Variants in R3HCC1L observed in about 807,000 individuals in gnomAD.
R3HCC1L encodes coiled-coil domain-containing protein R3HCC1L.
Under a neutral mutation model 59.9 loss-of-function variants are expected in R3HCC1L, and 51 were observed. The observed-to-expected ratio is 0.85, with a 90% CI of 0.68 to 1.07. R3HCC1L has a LOEUF of 1.07. Ranked by LOEUF, R3HCC1L falls within the 50% of genes least tolerant of loss-of-function variation. The pLI is 0.00. For synonymous variants in R3HCC1L, 322 were observed against 315.2 expected (o/e 1.02, Z -0.23); for missense variants, 965 against 933.0 (o/e 1.03, Z -0.45).
At chr10:98,168,545 T>C (rs896411633) in intron 4 of R3HCC1L, among the ~76,000 whole-genome samples, 6 of 152,176 alleles carry the variant, frequency 3.9e-5, no homozygotes, top group African/African-American at 1.4e-4. Flanking sequence ...GTATCTTGTA[T>C]CTTTTGTTGT....
chr10:98,235,595 C>T (rs1276515250), intron 8 of R3HCC1L, 75 bp downstream of exon 8: 21 of 1,134,222 alleles, frequency 1.9e-5, no homozygotes, highest in Non-Finnish European at 2.4e-5. Flanking sequence ...TTATAGCATC[C>T]AGACATCTAA....
chr10:98,211,458 A>T, intron 5 of R3HCC1L: 1 of 1,315,660 alleles, frequency 7.6e-7, no homozygotes, highest in Non-Finnish European at 1.0e-6. Context: ...AATCAGGTTA[A>T]GAAATAATAA....
intron 5 of R3HCC1L, among the ~76,000 whole-genome samples, chr10:98,222,837 T>TA (rs1203483439): frequency 2.0e-5 from 3 of 151,852 alleles, no homozygotes; most frequent in African/African-American, 4.8e-5. Context: ...ATAGATGCAA[T>TA]AAAAAATGAT....
intron 4 of R3HCC1L, among the ~76,000 whole-genome samples, chr10:98,203,008 G>A (rs1299837630): frequency 6.6e-6 from 1 of 152,132 alleles, no homozygotes; most frequent in Non-Finnish European, 1.5e-5. Flanking sequence ...ACTGGATCCT[G>A]TATGGAAAGG....
intron 4 of R3HCC1L, among the ~76,000 whole-genome samples, chr10:98,177,337 A>G (rs1397841273): frequency 2.0e-5 from 3 of 152,120 alleles, no homozygotes; most frequent in African/African-American, 4.8e-5. Context: ...AGCTTTATCC[A>G]CGTCCCTACA....
intron 1 of R3HCC1L, among the ~76,000 whole-genome samples, chr10:98,142,964 AAAAC>A (rs1419693307): frequency 6.8e-6 from 1 of 146,110 alleles, no homozygotes; most frequent in African/African-American, 2.4e-5. Context: ...AAAACAAAAC[AAAAC>A]AAAAAAAAAA....
Position 98,209,094 on chromosome 10 carries a change from C to T in R3HCC1L, c.980C>T (p.Pro327Leu). 3.7e-6 allele frequency: 6 copies of T among 1,613,936 alleles called. No individual in the cohort carries two copies. The highest frequency in any genetic ancestry group is 5.1e-6 in the Non-Finnish European group (6 of 1,179,988). The change falls in exon 5 of 10, where the codon CCA (proline) becomes CTA (leucine). Residue 327 changes from proline to leucine, a missense_variant. Coordinates refer to ENST00000298999, the MANE Select transcript of R3HCC1L (RefSeq NM_001351015.2). The part of the protein sequence containing the change: ...LSESTNDTVS[P>L]VMIRECEKND... ...GAGAGCACAAATGACACTGTTAGTC[C>T]AGTAATGATTAGAGAATGTGAGAAG...
At chr10:98,196,916 GC>G (rs1177337769) in intron 4 of R3HCC1L, among the ~76,000 whole-genome samples, 1 of 151,818 alleles carries the variant, frequency 6.6e-6, no homozygotes, top group African/African-American at 2.4e-5. Flanking sequence ...TGACTTCTCC[GC>G]CCCTTCTTTT....
intron 1 of R3HCC1L, among the ~76,000 whole-genome samples, chr10:98,152,109 C>T (rs891308547): frequency 5.3e-5 from 8 of 152,232 alleles, no homozygotes; most frequent in Non-Finnish European, 1.0e-4. Context: ...CGCGCCGCCA[C>T]GCCTGACTGG....
At chr10:98,163,437 GTC>G (rs1403078401) in intron 4 of R3HCC1L, 40 bp downstream of exon 4, 5 of 1,155,362 alleles carry the variant, frequency 4.3e-6, no homozygotes, top group Non-Finnish European at 5.9e-6. Flanking sequence ...TAGAAATACT[GTC>G]TGTTTACTCT....
chr10:98,197,016 A>G (rs1380533210), intron 4 of R3HCC1L, among the ~76,000 whole-genome samples: 2 of 151,988 alleles, frequency 1.3e-5, no homozygotes, highest in African/African-American at 4.8e-5. Flanking sequence ...TCCCAGGTTC[A>G]AGTGATTCTC....
intron 4 of R3HCC1L, among the ~76,000 whole-genome samples, chr10:98,196,967 AGT>A: frequency 1.3e-5 from 2 of 152,018 alleles, no homozygotes; most frequent in Non-Finnish European, 2.9e-5. Context: ...CCCAGGCTGG[AGT>A]GCAGTGGCAC....
chr10:98,220,281 T>G (rs1262913661), intron 5 of R3HCC1L, among the ~76,000 whole-genome samples: 3 of 152,122 alleles, frequency 2.0e-5, no homozygotes, highest in Non-Finnish European at 4.4e-5. Flanking sequence ...TCTGATTTCC[T>G]TGTATTATTT....
chr10:98,153,883 G>T (rs558324098), intron 1 of R3HCC1L, among the ~76,000 whole-genome samples: 5 of 151,582 alleles, frequency 3.3e-5, no homozygotes, highest in African/African-American at 9.7e-5. Flanking sequence ...TTTCCCCACT[G>T]TGTTCAGATT....
At chr10:98,142,964 A>C (rs1157313199) in intron 1 of R3HCC1L, among the ~76,000 whole-genome samples, 1 of 146,110 alleles carries the variant, frequency 6.8e-6, no homozygotes, top group Non-Finnish European at 1.5e-5. Flanking sequence ...AAAACAAAAC[A>C]AAACAAAAAA....
intron 1 of R3HCC1L, among the ~76,000 whole-genome samples, chr10:98,135,738 T>G (rs990998684): frequency 6.6e-6 from 1 of 152,188 alleles, no homozygotes. Flanking sequence ...GAATTTAGAC[T>G]CTTCTTCCTC....
intron 2 of R3HCC1L, among the ~76,000 whole-genome samples, chr10:98,158,618 C>T (rs1039719400): frequency 6.6e-6 from 1 of 152,116 alleles, no homozygotes; most frequent in African/African-American, 2.4e-5. Flanking sequence ...ATATAAGCCA[C>T]AGTATAGTTG....
chr10:98,242,414 T>C (rs1857630628), intron 9 of R3HCC1L, among the ~76,000 whole-genome samples: 1 of 152,230 alleles, frequency 6.6e-6, no homozygotes, highest in Non-Finnish European at 1.5e-5. Context: ...ATCTGTCTTA[T>C]AACGCCAAAA....
chr10:98,150,465 TTTA>T (rs1236020102), intron 1 of R3HCC1L, among the ~76,000 whole-genome samples: 4 of 152,256 alleles, frequency 2.6e-5, no homozygotes, highest in Non-Finnish European at 5.9e-5. Context: ...TGTTTTGGTT[TTTA>T]TTATGTGTTT....
Sources: allele counts gnomAD v4.1 joint callset (sites outside exome capture counted in the v4.1 genomes callset), GRCh38; gene constraint gnomAD v4.1.1; transcripts MANE v1.5; gene names NCBI Gene and HGNC (gene_info 2026-07-23, HGNC 2026-07-21).